The following ASPM variants were observed in gnomAD, a reference collection of about 807,000 sequenced individuals.
ASPM encodes the protein abnormal spindle-like microcephaly-associated protein.
In ASPM, 256 loss-of-function variants were observed where a neutral mutation model predicts 366.4. The ratio of observed to expected loss-of-function variants is 0.70; its 90% CI spans 0.63 to 0.77. The LOEUF is 0.77. Ranked by LOEUF, ASPM falls within the 30% of genes least tolerant of loss-of-function variation. ASPM has a pLI of 0.00. For missense variants in ASPM, 4,146 were observed against 4,090.4 expected, an observed-to-expected ratio of 1.01 and a Z score of -0.37; for synonymous variants, 1,414 against 1,342.9, an observed-to-expected ratio of 1.05 and a Z score of -1.16.
intron 23 of ASPM, 79 bp from the exon 24 acceptor site, chr1:197,090,467 A>T (rs1250711648): frequency 8.9e-7 from 1 of 1,124,602 alleles, no homozygotes; most frequent in Admixed American, 2.5e-5. Context: ...TTCACAATGT[A>T]AACATTTTCA....
chr1:197,108,895 T>G (rs953426010), intron 17 of ASPM, among the ~76,000 whole-genome samples: 6 of 145,334 alleles, frequency 4.1e-5, no homozygotes, highest in African/African-American at 1.5e-4. Context: ...GGCTTGAGCC[T>G]AGGAGATTGA....
intron 4 of ASPM, chr1:197,139,187 G>A: frequency 5.2e-6 from 5 of 966,422 alleles, no homozygotes; most frequent in Non-Finnish European, 8.3e-6. Flanking sequence ...GCTTAACGAA[G>A]TCACAGTGAT....
intron 6 of ASPM, 111 bp from the exon 7 acceptor site, chr1:197,132,463 A>G (rs1322805061): frequency 4.9e-6 from 4 of 822,118 alleles, no homozygotes; most frequent in Admixed American, 2.3e-5. Flanking sequence ...CTTATATGAA[A>G]TAAGTTAATT....
At chr1:197,125,765 T>C (rs982667219) in intron 10 of ASPM, among the ~76,000 whole-genome samples, 1 of 152,044 alleles carries the variant, frequency 6.6e-6, no homozygotes, top group Non-Finnish European at 1.5e-5. Context: ...TATGTATATA[T>C]ACACGCACGA....
At position 197,086,816 on chromosome 1, in the gene ASPM, T is replaced by C. The variant is rs1479509097; in HGVS notation, c.10318A>G (p.Arg3440Gly). Residue 3440 changes from arginine (R) to glycine (G), a missense_variant, in exon 27 of 28, where the codon AGA (arginine) becomes GGA (glycine). Transcript: ENST00000367409. ...TTAATTGCTTACCTTGAAACTATTCTGGTCCTTACAGGTGTTTCTGGGATA... is the reference window on the plus strand; with the variant it reads ...TTAATTGCTTACCTTGAAACTATTCCGGTCCTTACAGGTGTTTCTGGGATA... ...PFIPETPVRT[R>G]IVSRLKPDWV... 1 of 1,608,640 alleles carries C rather than the reference T, an allele frequency of 6.2e-7. No homozygotes were observed.
intron 22 of ASPM, 22 bp from the exon 23 acceptor site, chr1:197,091,063 G>A: frequency 2.5e-6 from 4 of 1,581,526 alleles, no homozygotes; most frequent in South Asian, 1.1e-5. Context: ...ATAGAATTTT[G>A]TTTTTCATTT....
intron 16 of ASPM, among the ~76,000 whole-genome samples, chr1:197,121,373 A>G (rs1657901865): frequency 6.6e-6 from 1 of 152,194 alleles, no homozygotes; most frequent in Non-Finnish European, 1.5e-5. Context: ...AGATCCTAAC[A>G]TTTTGAAAAA....
At chr1:197,123,335 C>G (rs1657976383) in intron 13 of ASPM, among the ~76,000 whole-genome samples, 1 of 152,152 alleles carries the variant, frequency 6.6e-6, no homozygotes, top group African/African-American at 2.4e-5. Context: ...TGTTTGACAT[C>G]AGCTGGCTAT....
chr1:197,129,711 A>T (rs1213308282), intron 8 of ASPM, among the ~76,000 whole-genome samples: 1 of 152,150 alleles, frequency 6.6e-6, no homozygotes, highest in Non-Finnish European at 1.5e-5. Flanking sequence ...GGGGGAGAGG[A>T]TGGGTAGAGA....
Position 197,097,821 on chromosome 1 carries a change from GT to G in ASPM, c.8821-1658del, listed in dbSNP as rs1206509489. ...AGAATGTTTTGTGGACCATTTTGGT[GT>G]TTTTGTTTTTGTTTTGCTTGTGGCA... On this transcript the variant is annotated intron_variant, in intron 18 of 27. Coordinates refer to ENST00000367409, the MANE Select transcript of ASPM (RefSeq NM_018136.5). Among the ~76,000 whole-genome samples, 3 of 151,448 alleles carry G rather than the reference GT, an allele frequency of 2.0e-5. No homozygotes were observed. In the East Asian group the frequency reaches 5.8e-4, roughly 29 times the overall value.
chr1:197,098,449 T>C (rs1200357349), intron 18 of ASPM, among the ~76,000 whole-genome samples: 1 of 151,668 alleles, frequency 6.6e-6, no homozygotes, highest in East Asian at 1.9e-4. Flanking sequence ...TAAAATACAA[T>C]TTTATTATGT....
intron 19 of ASPM, 148 bp downstream of exon 19, chr1:197,095,850 A>G: frequency 1.4e-6 from 1 of 736,654 alleles, no homozygotes. Context: ...TTGTTTCCTT[A>G]ATAAAGAAAA....
chr1:197,137,667 G>A (rs1658459833), intron 4 of ASPM, among the ~76,000 whole-genome samples: 1 of 152,124 alleles, frequency 6.6e-6, no homozygotes, highest in East Asian at 1.9e-4. Context: ...TATCAGTAGG[G>A]ATGGGGTTTC....
intron 3 of ASPM, among the ~76,000 whole-genome samples, chr1:197,141,042 A>G (rs941526045): frequency 6.6e-6 from 1 of 152,200 alleles, no homozygotes; most frequent in Non-Finnish European, 1.5e-5. Flanking sequence ...AGGTTTCACA[A>G]CAAAATATAC....
intron 18 of ASPM, among the ~76,000 whole-genome samples, chr1:197,099,253 C>G (rs1305299555): frequency 6.7e-6 from 1 of 148,956 alleles, no homozygotes; most frequent in African/African-American, 2.5e-5. Flanking sequence ...ATAAAAATGA[C>G]TGTGGTCTTC....
rs587783257 is a variant in ASPM at position 197,102,917 on chromosome 1, G to A, written c.6334C>T (p.His2112Tyr). The stretch of plus-strand genomic sequence containing the variant: ...GCTGCCCTGTGCATGTGTTGAATAT[G>A]TCTTCTAACTCTAATACCTCTATAA... ...SVYRGIRVRR[H>Y]IQHMHRAATF... is the part of the protein sequence containing the mutation. Residue 2112 changes from histidine to tyrosine, a missense_variant, in exon 18 of 28, where the codon CAT (histidine) becomes TAT (tyrosine). Transcript: ENST00000367409. The A allele has an allele frequency of 6.2e-7, 1 of 1,612,596 alleles. No homozygotes were observed. The highest frequency in any genetic ancestry group is 2.2e-5 in the East Asian group (1 of 44,814).
chr1:197,110,035 A>G (rs1397455238), intron 17 of ASPM, among the ~76,000 whole-genome samples: 1 of 152,126 alleles, frequency 6.6e-6, no homozygotes, highest in Non-Finnish European at 1.5e-5. Context: ...TGCAATTTCA[A>G]TCAAAATTTG....
chr1:197,116,942 GA>G (rs1222828500), intron 17 of ASPM, among the ~76,000 whole-genome samples: 1 of 152,040 alleles, frequency 6.6e-6, no homozygotes, highest in Non-Finnish European at 1.5e-5. Flanking sequence ...AGAGTTAATT[GA>G]AAAATGCCTT....
chr1:197,103,848 G>T lies in ASPM; in HGVS notation c.5403C>A (p.Val1801=), dbSNP rs1657299076. ...QVNQRKNFLQ[V]KKAATCLQAA... is the part of the protein sequence containing the mutation. The stretch of plus-strand genomic sequence containing the variant: ...CTTGCAAGCAAGTAGCTGCTTTTTT[G>T]ACTTGCAAGAAGTTCTTCCTCTGAT... The change falls in exon 18 of 28, where the codon GTC becomes GTA. Residue 1801 remains valine (V), a synonymous_variant. Coordinates refer to ENST00000367409, the MANE Select transcript of ASPM (RefSeq NM_018136.5). 2 of 1,612,812 alleles carry T rather than the reference G, an allele frequency of 1.2e-6. No homozygotes were observed. Among genetic ancestry groups the T allele is most frequent in the South Asian group, 2.2e-5 (2 of 91,046 alleles).
Sources: allele counts gnomAD v4.1 joint callset (sites outside exome capture counted in the v4.1 genomes callset), GRCh38; gene constraint gnomAD v4.1.1; transcripts MANE v1.5; gene names NCBI Gene and HGNC (gene_info 2026-07-23, HGNC 2026-07-21).